PLCB1: variants seen among roughly 807,000 people sequenced by gnomAD.
PLCB1 encodes phospholipase C beta 1, also known as 1-phosphatidylinositol 4,5-bisphosphate phosphodiesterase beta-1.
Under a neutral mutation model 161.8 loss-of-function variants are expected in PLCB1, and 46 were observed. That is an observed-to-expected ratio of 0.28 (90% CI 0.22 to 0.36). The LOEUF is 0.36. PLCB1 is among the 10% of genes least tolerant of loss of function. The pLI, the probability that PLCB1 is intolerant of heterozygous loss-of-function variation, is 1.00. For missense variants in PLCB1, 1,016 were observed against 1,472.5 expected, an observed-to-expected ratio of 0.69 and a Z score of 5.07; for synonymous variants, 517 against 503.7, an observed-to-expected ratio of 1.03 and a Z score of -0.35.
At chr20:8,675,699 A>G (rs1405979243) in intron 9 of PLCB1, among the ~76,000 whole-genome samples, 1 of 152,188 alleles carries the variant, frequency 6.6e-6, no homozygotes, top group African/African-American at 2.4e-5. Context: ...AACCACACCA[A>G]AACTCCATTA....
At chr20:8,519,761 A>C (rs1404498347) in intron 3 of PLCB1, among the ~76,000 whole-genome samples, 1 of 152,158 alleles carries the variant, frequency 6.6e-6, no homozygotes, top group Non-Finnish European at 1.5e-5. Context: ...TGTGAAAATA[A>C]ATTTTCTATG....
intron 1 of PLCB1, among the ~76,000 whole-genome samples, chr20:8,135,119 T>C (rs992953981): frequency 1.3e-5 from 2 of 152,162 alleles, no homozygotes; most frequent in African/African-American, 4.8e-5. Context: ...AGTGAGACAG[T>C]GTGTTGAAGA....
intron 4 of PLCB1, among the ~76,000 whole-genome samples, chr20:8,632,034 GC>G (rs367735097): frequency 3.4e-3 from 278 of 81,602 alleles, no homozygotes; most frequent in Middle Eastern, 8.3e-3. Flanking sequence ...GGTTTTTTTT[GC>G]TTTTTTTTTT....
At chr20:8,468,377 TTA>T (rs897671853) in intron 3 of PLCB1, among the ~76,000 whole-genome samples, 1 of 152,214 alleles carries the variant, frequency 6.6e-6, no homozygotes, top group Admixed American at 6.5e-5. Flanking sequence ...AGTGCAGTAC[TTA>T]TATGAGTATG....
At chr20:8,198,939 G>C (rs2052058795) in intron 2 of PLCB1, among the ~76,000 whole-genome samples, 3 of 150,402 alleles carry the variant, frequency 2.0e-5, no homozygotes, top group African/African-American at 4.9e-5. Flanking sequence ...CACACACACA[G>C]ACAGACAGAC....
intron 2 of PLCB1, among the ~76,000 whole-genome samples, chr20:8,276,364 C>T (rs1284964488): frequency 6.6e-6 from 1 of 152,092 alleles, no homozygotes; most frequent in East Asian, 1.9e-4. Context: ...CATAATATTC[C>T]ATTTTTCTGC....
At chr20:8,421,249 A>C (rs1210540965) in intron 3 of PLCB1, among the ~76,000 whole-genome samples, 1 of 152,242 alleles carries the variant, frequency 6.6e-6, no homozygotes, top group Non-Finnish European at 1.5e-5. Flanking sequence ...ATAAATTGCC[A>C]AGAGTGTACA....
chr20:8,225,145 G>A (rs1375683219), intron 2 of PLCB1, among the ~76,000 whole-genome samples: 2 of 152,124 alleles, frequency 1.3e-5, no homozygotes, highest in Non-Finnish European at 2.9e-5. Flanking sequence ...GAATATTTTA[G>A]TAAGTATCTC....
At chr20:8,392,644 G>A (rs1987643092) in intron 3 of PLCB1, among the ~76,000 whole-genome samples, 1 of 152,122 alleles carries the variant, frequency 6.6e-6, no homozygotes, top group Non-Finnish European at 1.5e-5. Context: ...TCTCTCAAAT[G>A]GATTTGCCAG....
chr20:8,818,693 A>G (rs1433476895), intron 31 of PLCB1, among the ~76,000 whole-genome samples: 1 of 152,188 alleles, frequency 6.6e-6, no homozygotes, highest in African/African-American at 2.4e-5. Flanking sequence ...ACATCAAACA[A>G]GGTCTATTAT....
At position 8,412,159 on chromosome 20, in the gene PLCB1, C is replaced by T. The variant is rs573221804; in HGVS notation, c.246+40709C>T. On this transcript the variant is annotated intron_variant, in intron 3 of 31. Transcript: ENST00000338037. ...TGTAAGGTATTATTAGTTATTGCTA[C>T]AGTAAAGCTGCATAACAAAACCCAT... Among the ~76,000 whole-genome samples, 5 of 152,318 alleles carry T rather than the reference C, an allele frequency of 3.3e-5. No homozygotes were observed. The South Asian group carries it at 1.0e-3, about 32-fold the overall frequency.
chr20:8,637,932 C>T (rs1360990021), intron 4 of PLCB1, among the ~76,000 whole-genome samples: 1 of 152,192 alleles, frequency 6.6e-6, no homozygotes, highest in Admixed American at 6.5e-5. Context: ...CTCGCTCTGT[C>T]GCCCAGGCTG....
chr20:8,654,298 T>G (rs1371248517), intron 7 of PLCB1, among the ~76,000 whole-genome samples: 1 of 152,058 alleles, frequency 6.6e-6, no homozygotes, highest in Non-Finnish European at 1.5e-5. Context: ...ATACTAGCCT[T>G]CTTAAGTCAT....
chr20:8,215,646 T>G (rs1431835927), intron 2 of PLCB1, among the ~76,000 whole-genome samples: 2 of 152,018 alleles, frequency 1.3e-5, no homozygotes, highest in Non-Finnish European at 2.9e-5. Context: ...ATTTAGAGTT[T>G]TTGTACGTCT....
chr20:8,245,793 G>T (rs566893742), intron 2 of PLCB1, among the ~76,000 whole-genome samples: 107 of 152,080 alleles, frequency 7.0e-4, no homozygotes, highest in African/African-American at 2.5e-3. Flanking sequence ...AGTACTTGCT[G>T]TAGGTGAGGC....
At chr20:8,737,259 T>C (rs1568578856) in intron 20 of PLCB1, 67 bp downstream of exon 20, 14 of 1,213,138 alleles carry the variant, frequency 1.2e-5, no homozygotes, top group Admixed American at 4.3e-5. Context: ...GAGAAAATAA[T>C]GAAATGGTGA....
At chr20:8,245,124 C>T (rs1217184416) in intron 2 of PLCB1, among the ~76,000 whole-genome samples, 2 of 151,816 alleles carry the variant, frequency 1.3e-5, no homozygotes, top group Non-Finnish European at 2.9e-5. Flanking sequence ...TATACCCACT[C>T]TTGTAAATAG....
In PLCB1 at chr20:8,820,221, A is replaced by G. The variant is rs1331382420; in HGVS notation, c.3423+29960A>G. Among the ~76,000 whole-genome samples, 3 of 148,318 alleles carry G rather than the reference A, an allele frequency of 2.0e-5. No homozygotes were observed. The South Asian group carries it at 6.2e-4, about 31-fold the overall frequency. The stretch of plus-strand genomic sequence containing the variant: ...AGTCAACTGTATTATATAGTATTAT[A>G]TATACTCTATATTATAGTAATATAT... On this transcript the variant is annotated intron_variant, in intron 31 of 31. Transcript: ENST00000338037.
intron 3 of PLCB1, among the ~76,000 whole-genome samples, chr20:8,583,786 A>G (rs1455973023): frequency 1.3e-5 from 2 of 152,234 alleles, no homozygotes; most frequent in South Asian, 2.1e-4. Flanking sequence ...ATTCCAGTGT[A>G]TTAGCATGAC....
Sources: allele counts gnomAD v4.1 joint callset (sites outside exome capture counted in the v4.1 genomes callset), GRCh38; gene constraint gnomAD v4.1.1; transcripts MANE v1.5; gene names NCBI Gene and HGNC (gene_info 2026-07-23, HGNC 2026-07-21).